The following SEMA5A variants were observed in gnomAD, a reference collection of about 807,000 sequenced individuals.
SEMA5A encodes semaphorin-5A.
Under a neutral mutation model 135.5 loss-of-function variants are expected in SEMA5A, and 55 were observed. The ratio of observed to expected loss-of-function variants is 0.41; its 90% CI spans 0.33 to 0.51. SEMA5A has a LOEUF of 0.51. SEMA5A is among the 20% of genes least tolerant of loss of function. The pLI is 0.37. For synonymous variants in SEMA5A, 580 were observed against 546.5 expected, an observed-to-expected ratio of 1.06 and a Z score of -0.85; for missense variants, 1,290 against 1,419.9, an observed-to-expected ratio of 0.91 and a Z score of 1.47.
At chr5:9,366,392 CTT>C (rs571166909) in intron 3 of SEMA5A, among the ~76,000 whole-genome samples, 42 of 141,876 alleles carry the variant, frequency 3.0e-4, no homozygotes, top group Non-Finnish European at 2.8e-4. Context: ...ATAAAGAATT[CTT>C]TTTTTTTTTT....
intron 2 of SEMA5A, among the ~76,000 whole-genome samples, chr5:9,434,414 C>T (rs1030271101): frequency 6.6e-6 from 1 of 152,068 alleles, no homozygotes; most frequent in African/African-American, 2.4e-5. Flanking sequence ...GCATTCACTA[C>T]ATTAATGCAC....
At chr5:9,321,794 G>A (rs10059597) in intron 4 of SEMA5A, among the ~76,000 whole-genome samples, 20,823 of 152,174 alleles carry the variant, frequency 0.14, 1,503 homozygotes, top group South Asian at 0.19. Context: ...TTTAGTAAAT[G>A]AATTACCTAA....
At chr5:9,509,215 C>T (rs555200113) in intron 1 of SEMA5A, among the ~76,000 whole-genome samples, 4 of 151,956 alleles carry the variant, frequency 2.6e-5, no homozygotes, top group East Asian at 3.9e-4. Context: ...TTCTATGGTC[C>T]GCTAAGTACC....
intron 5 of SEMA5A, among the ~76,000 whole-genome samples, chr5:9,294,208 A>C (rs1213142603): frequency 1.3e-5 from 2 of 152,244 alleles, no homozygotes; most frequent in Admixed American, 1.3e-4. Flanking sequence ...CTCCCCTCTC[A>C]GCTCGGCTGC....
chr5:9,156,742 A>G (rs1180915753), intron 11 of SEMA5A, among the ~76,000 whole-genome samples: 1 of 152,230 alleles, frequency 6.6e-6, no homozygotes, highest in Non-Finnish European at 1.5e-5. Flanking sequence ...AGTTTACAGA[A>G]CTATAGCCTA....
intron 16 of SEMA5A, among the ~76,000 whole-genome samples, chr5:9,094,537 T>G (rs953940358): frequency 1.6e-4 from 24 of 152,366 alleles, no homozygotes; most frequent in Admixed American, 1.6e-3. Context: ...CCTCTAAATG[T>G]CTGGATTCCA....
At chr5:9,140,290 A>G (rs1022316284) in intron 12 of SEMA5A, among the ~76,000 whole-genome samples, 5 of 152,226 alleles carry the variant, frequency 3.3e-5, no homozygotes, top group African/African-American at 1.2e-4. Flanking sequence ...TCAATTCTCA[A>G]GACACGCAAT....
intron 5 of SEMA5A, among the ~76,000 whole-genome samples, chr5:9,299,782 C>T (rs3777309): frequency 0.14 from 21,207 of 152,118 alleles, 1,573 homozygotes; most frequent in South Asian, 0.19. Flanking sequence ...TTCAGGAAAA[C>T]ATAGTGTGCT....
At chr5:9,344,624 G>T (rs1022427712) in intron 3 of SEMA5A, among the ~76,000 whole-genome samples, 1 of 152,066 alleles carries the variant, frequency 6.6e-6, no homozygotes, top group African/African-American at 2.4e-5. Flanking sequence ...AGAAGTCCAG[G>T]GGAAAGAAGA....
At chr5:9,146,635 G>A (rs913966019) in intron 12 of SEMA5A, among the ~76,000 whole-genome samples, 2 of 152,126 alleles carry the variant, frequency 1.3e-5, no homozygotes, top group African/African-American at 4.8e-5. Context: ...CAACTCCAAG[G>A]TCCTTCGGTT....
intron 5 of SEMA5A, 148 bp downstream of exon 5, chr5:9,318,224 C>T (rs192930838): frequency 2.8e-4 from 161 of 575,198 alleles, no homozygotes; most frequent in East Asian, 2.7e-3. Context: ...CAAGTAGGGC[C>T]GCCTTAGTCC....
At chr5:9,064,821 T>C (rs1347561441) in intron 17 of SEMA5A, among the ~76,000 whole-genome samples, 1 of 152,218 alleles carries the variant, frequency 6.6e-6, no homozygotes, top group African/African-American at 2.4e-5. Context: ...ATTCATGGGA[T>C]ATACTTGTAC....
intron 13 of SEMA5A, among the ~76,000 whole-genome samples, chr5:9,129,946 C>T (rs1192595267): frequency 6.6e-6 from 1 of 152,216 alleles, no homozygotes; most frequent in Non-Finnish European, 1.5e-5. Flanking sequence ...CCTATGATCT[C>T]AACCACTTCA....
rs192325243 is a variant in SEMA5A at position 9,487,058 on chromosome 5, A to G, written c.-174-49206T>C. Reference sequence around the variant, plus strand: ...GTAGAAAATGCATACAAACAAAACAAAACACTATCACAAGTTATGGGAAGA... The same window carrying G: ...GTAGAAAATGCATACAAACAAAACAGAACACTATCACAAGTTATGGGAAGA... On this transcript the variant is annotated intron_variant, in intron 1 of 22. Coordinates refer to ENST00000382496, the MANE Select transcript of SEMA5A (RefSeq NM_003966.3). 6.5e-3 allele frequency among the ~76,000 whole-genome samples: 990 copies of G among 152,308 alleles called. 6 individuals are homozygous for G. The highest frequency in any genetic ancestry group is 0.01 in the Middle Eastern group (3 of 294).
At chr5:9,528,944 A>G (rs1737289708) in intron 1 of SEMA5A, among the ~76,000 whole-genome samples, 1 of 152,256 alleles carries the variant, frequency 6.6e-6, no homozygotes, top group South Asian at 2.1e-4. Context: ...ACCTGGCTCC[A>G]GAGACCAGGC....
intron 13 of SEMA5A, among the ~76,000 whole-genome samples, chr5:9,125,647 A>G (rs984067853): frequency 3.3e-5 from 5 of 151,422 alleles, no homozygotes; most frequent in Non-Finnish European, 5.9e-5. Context: ...CCTACCCAAG[A>G]GGAAAATATC....
chr5:9,463,938 C>T (rs1759155176), intron 1 of SEMA5A, among the ~76,000 whole-genome samples: 2 of 152,296 alleles, frequency 1.3e-5, no homozygotes, highest in South Asian at 4.1e-4. Flanking sequence ...ATAAGCTACA[C>T]TCTAAAGGCG....
chr5:9,477,853 G>T (rs1157689277), intron 1 of SEMA5A, among the ~76,000 whole-genome samples: 1 of 152,226 alleles, frequency 6.6e-6, no homozygotes, highest in East Asian at 1.9e-4. Flanking sequence ...TTCATAGGGA[G>T]AAATTCAAGC....
Position 9,490,207 on chromosome 5 carries a change from G to A in SEMA5A, c.-174-52355C>T, listed in dbSNP as rs435780. On this transcript the variant is annotated intron_variant, in intron 1 of 22. Coordinates refer to ENST00000382496, the MANE Select transcript of SEMA5A (RefSeq NM_003966.3). Reference sequence around the variant, plus strand: ...AAAATTTAAAAAAATAGCAATGGATGCAATTTGAGAATACTAAAACAGGCC... The same window carrying A: ...AAAATTTAAAAAAATAGCAATGGATACAATTTGAGAATACTAAAACAGGCC... Among the ~76,000 whole-genome samples the A allele has an allele frequency of 3.8e-4, 58 of 152,218 alleles. No homozygotes were observed. In the East Asian group the frequency reaches 0.011, roughly 28 times the overall value.
Sources: allele counts gnomAD v4.1 joint callset (sites outside exome capture counted in the v4.1 genomes callset), GRCh38; gene constraint gnomAD v4.1.1; transcripts MANE v1.5; gene names NCBI Gene and HGNC (gene_info 2026-07-23, HGNC 2026-07-21).